Variants in TBX2 observed in about 807,000 individuals in gnomAD.
The protein encoded by TBX2 is T-box transcription factor TBX2.
A neutral mutation model predicts 48.4 loss-of-function variants in TBX2; 19 were observed. That is an observed-to-expected ratio of 0.39 (90% confidence interval 0.27 to 0.58). TBX2 has a LOEUF of 0.58. TBX2 is among the 20% of genes least tolerant of loss of function. The pLI is 0.54. For synonymous variants in TBX2, 522 were observed against 459.7 expected, an observed-to-expected ratio of 1.14 and a Z score of -1.73; for missense variants, 994 against 1,006.5, an observed-to-expected ratio of 0.99 and a Z score of 0.17.
Position 61,406,971 on chromosome 17 carries a change from G to C in TBX2, c.1687-1083G>C, listed in dbSNP as rs2060291569. 6.6e-6 allele frequency: 1 copy of C among 152,054 alleles called. No homozygotes were observed. The highest frequency in any genetic ancestry group is 2.4e-5 in the African/African-American group (1 of 41,374). 9.4% of individuals were successfully genotyped at this position (152,054 alleles called of 1,614,324 possible). On this transcript the variant is annotated intron_variant, in intron 6 of 6. Transcript: ENST00000240328. The surrounding 1 kb of genome is among the most constrained non-coding windows in gnomAD (Gnocchi z 5.7). ...ACTGGTAATAATCACCAGCATCACA[G>C]AGGTCATGAGGAAGTCAGGGCTTCT... is the stretch of plus-strand genomic sequence containing the variant.
rs1256188257 is a variant in TBX2, at chr17:61,408,406, C to T, written c.2039C>T (p.Ser680Leu). The T allele has an allele frequency of 1.9e-6, 3 of 1,549,292 alleles. No individual in the cohort carries two copies. Among genetic ancestry groups the T allele is most frequent in the East Asian group, 4.9e-5 (2 of 40,940 alleles). The change falls in exon 7 of 7, where the codon TCG (serine) becomes TTG (leucine). Residue 680 changes from serine (S) to leucine (L), a missense_variant. Ser to Leu is a moderately radical substitution (Grantham distance 145). This residue lies in a region of TBX2 where 639 missense variants were observed against 613.2 expected (regional missense o/e 1.04). Coordinates refer to ENST00000240328, the MANE Select transcript of TBX2 (RefSeq NM_005994.4). ...PSRGALSPSGSAKEAANELQS... is the reference protein window; with the variant it reads ...PSRGALSPSGLAKEAANELQS... ...CGCGGTGCCCTGTCGCCCAGTGGCT[C>T]GGCCAAGGAGGCGGCCAATGAACTG...
At chr17:61,404,273 T>C (rs115225825) in intron 3 of TBX2, 148 bp from the exon 4 acceptor site, 34,213 of 984,742 alleles carry the variant, frequency 0.035, 771 homozygotes, top group Non-Finnish European at 0.043. Flanking sequence ...CGGCCTCAGC[T>C]CGGGGCGTCC....
rs2060268177 is a variant in TBX2 at position 61,402,533 on chromosome 17, G to A, written c.664-528G>A. ...CCTGAGCAAGGCCCCAGCGAACGGG[G>A]GTGGTGTTTCATAGGGTAAAAGGAA... On this transcript the variant is annotated intron_variant, in intron 2 of 6. Transcript: ENST00000240328. Among the ~76,000 whole-genome samples the A allele has an allele frequency of 2.0e-5, 3 of 151,880 alleles. No individual in the cohort carries two copies. In the South Asian group the frequency reaches 6.3e-4, roughly 32 times the overall value.
rs973646457 is a variant in TBX2, at chr17:61,408,117, G to A, written c.1750G>A (p.Ala584Thr). The change falls in exon 7 of 7, where the codon GCC becomes ACC. Residue 584 changes from alanine (A) to threonine (T), a missense_variant. Physicochemically the swap from Ala to Thr is moderately conservative, Grantham distance 58. Around this residue, in one of 5 missense-constraint regions of TBX2, gnomAD observed 639 missense variants for 613.2 expected, o/e 1.04. Coordinates refer to ENST00000240328, the MANE Select transcript of TBX2 (RefSeq NM_005994.4). ...PYPYTYMAAA[A>T]AAASALPATS... ...CCCCTACACCTACATGGCAGCAGCA[G>A]CCGCAGCCGCCTCGGCTTTGCCCGC... 13 of 1,610,328 alleles carry A rather than the reference G, an allele frequency of 8.1e-6. No individual in the cohort carries two copies. Among genetic ancestry groups the A allele is most frequent in the Non-Finnish European group, 1.1e-5 (13 of 1,178,840 alleles).
At position 61,405,117 on chromosome 17, in the gene TBX2, C is replaced by G. The variant is rs933285389; in HGVS notation, c.1052-85C>G. On this transcript the variant is annotated intron_variant, in intron 5 of 6. Transcript: ENST00000240328. ...AGCAGCTCCTCCGACTCGGCCTCCC[C>G]GAGAGCAGCCCTTCCCGAGTGTCCC... The G allele has an allele frequency of 2.5e-5, 37 of 1,492,266 alleles. No individual in the cohort carries two copies. In the African/African-American group the frequency reaches 2.9e-4, roughly 12 times the overall value. 92.4% of individuals were successfully genotyped at this position (1,492,266 alleles called of 1,614,324 possible). A position where few individuals can be genotyped will look rare whatever the true frequency, so the allele number is the denominator to read the frequency against.
Position 61,401,800 on chromosome 17 carries a change from G to A in TBX2, c.512G>A (p.Arg171His), listed in dbSNP as rs778275904. 2.5e-6 allele frequency: 4 copies of A among 1,613,168 alleles called. No homozygotes were observed. Among genetic ancestry groups the A allele is most frequent in the Non-Finnish European group, 2.5e-6 (3 of 1,180,036 alleles). Residue 171 changes from arginine (R) to histidine (H), a missense_variant, in exon 2 of 7, where the codon CGC (arginine) becomes CAC (histidine). Arg to His is a conservative substitution (Grantham distance 29). Around this residue, in one of 5 missense-constraint regions of TBX2, gnomAD observed 153 missense variants for 166.2 expected, o/e 0.92. Coordinates refer to ENST00000240328, the MANE Select transcript of TBX2 (RefSeq NM_005994.4). ...TGCCGCTATAAGTTCCACAACTCGCGCTGGATGGTGGCGGGCAAGGCCGAC... is the reference window on the plus strand; with the variant it reads ...TGCCGCTATAAGTTCCACAACTCGCACTGGATGGTGGCGGGCAAGGCCGAC... Reference protein sequence around the residue: ...DDCRYKFHNSRWMVAGKADPE... With the variant: ...DDCRYKFHNSHWMVAGKADPE...
In TBX2 at chr17:61,405,473, G is replaced by T; in HGVS notation, c.1323G>T (p.Glu441Asp). The T allele has an allele frequency of 1.3e-6, 2 of 1,578,522 alleles. No individual in the cohort carries two copies. Among genetic ancestry groups the T allele is most frequent in the East Asian group, 2.3e-5 (1 of 43,666 alleles). The change falls in exon 6 of 7, where the codon GAG becomes GAT. Residue 441 changes from glutamate to aspartate, a missense_variant. This residue lies in a region of TBX2 where 639 missense variants were observed against 613.2 expected (regional missense o/e 1.04). Transcript: ENST00000240328. ...RKDEGRKEAAEGKEQGLAPLV... is the reference protein window; with the variant it reads ...RKDEGRKEAADGKEQGLAPLV... ...ACGAGGGGCGCAAGGAGGCGGCCGA[G>T]GGCAAGGAGCAGGGCCTGGCGCCGC...
Position 61,400,486 on chromosome 17 carries a change from G to T in TBX2, c.310G>T (p.Asp104Tyr), listed in dbSNP as rs1329600365. 4 of 1,601,998 alleles carry T rather than the reference G, an allele frequency of 2.5e-6. No individual in the cohort carries two copies. The African/African-American group carries it at 4.0e-5, about 16-fold the overall frequency. Residue 104 changes from aspartate (D) to tyrosine (Y), a missense_variant, in exon 1 of 7, where the codon GAC becomes TAC. By Grantham distance (160) the Asp-to-Tyr change is radical. Transcript: ENST00000240328. The surrounding 1 kb of genome is among the most constrained non-coding windows in gnomAD (Gnocchi z 9.2). ...GGAGCCCGAGGACGAGGTGGAGGAC[G>T]ACCCCAAGGTGACGCTGGAGGCCAA... The part of the protein sequence containing the change: ...SLEPEDEVED[D>Y]PKVTLEAKEL...
rs1180356525 is a variant in TBX2 at position 61,408,093 on chromosome 17, C to CCCTACA, written c.1733_1738dup (p.Thr578_Tyr579dup). On this transcript the variant is annotated inframe_insertion, in exon 7 of 7. Transcript: ENST00000240328. ...CACTTTCGGAGGCCTCTTCCCCTAC[C>CCCTACA]CCTACACCTACATGGCAGCAGCAGC... 1.2e-6 allele frequency: 2 copies of CCCTACA among 1,609,286 alleles called. No individual in the cohort carries two copies. Among genetic ancestry groups the CCCTACA allele is most frequent in the African/African-American group, 1.3e-5 (1 of 74,830 alleles).
In TBX2 at chr17:61,400,332, G is replaced by C. The variant is rs1376139613; in HGVS notation, c.156G>C (p.Leu52=). 1 of 1,013,656 alleles carries C rather than the reference G, an allele frequency of 9.9e-7. No homozygotes were observed. The highest frequency in any genetic ancestry group is 1.7e-5 in the African/African-American group (1 of 57,472). 62.8% of individuals were successfully genotyped at this position (1,013,656 alleles called of 1,614,324 possible). A position where few individuals can be genotyped will look rare whatever the true frequency, so the allele number is the denominator to read the frequency against. Residue 52 remains leucine (L), a synonymous_variant, in exon 1 of 7, where the codon CTG becomes CTC. Transcript: ENST00000240328. The surrounding 1 kb of genome is among the most constrained non-coding windows in gnomAD (Gnocchi z 9.2). The part of the protein sequence containing the change: ...ALPPGALAKP[L]PDPGLAGAAA... ...CGCCCGGCGCGCTGGCCAAGCCGCTGCCCGACCCGGGCCTGGCGGGGGCGG... is the reference window on the plus strand; with the variant it reads ...CGCCCGGCGCGCTGGCCAAGCCGCTCCCCGACCCGGGCCTGGCGGGGGCGG...
rs778763621 is a variant in TBX2, at chr17:61,400,511, A to G, written c.335A>G (p.Lys112Arg). ...GACCCCAAGGTGACGCTGGAGGCCAAGGAGCTGTGGGACCAGTTCCACAAG... is the reference window on the plus strand; with the variant it reads ...GACCCCAAGGTGACGCTGGAGGCCAGGGAGCTGTGGGACCAGTTCCACAAG... ...EDDPKVTLEA[K>R]ELWDQFHKLG... is the part of the protein sequence containing the mutation. The change falls in exon 1 of 7, where the codon AAG (lysine) becomes AGG (arginine). Residue 112 changes from lysine (K) to arginine (R), a missense_variant. By Grantham distance (26) the Lys-to-Arg change is conservative. Transcript: ENST00000240328. This position sits in a 1 kb window ranked among gnomAD's most constrained non-coding sequence, Gnocchi z 9.2. 42 of 1,597,848 alleles carry G rather than the reference A, an allele frequency of 2.6e-5. No homozygotes were observed. The highest frequency in any genetic ancestry group is 1.7e-6 in the Non-Finnish European group (2 of 1,173,184).
At position 61,405,800 on chromosome 17, in the gene TBX2, C is replaced by G; in HGVS notation, c.1650C>G (p.Phe550Leu). ...GCGCAGCAAGCACCGCCGCGCCCTTCCCGTTCCACCTCTCCCAGCACATGC... is the reference window on the plus strand; with the variant it reads ...GCGCAGCAAGCACCGCCGCGCCCTTGCCGTTCCACCTCTCCCAGCACATGC... ...AASAASTAAP[F>L]PFHLSQHMLA... Residue 550 changes from phenylalanine (F) to leucine (L), a missense_variant, in exon 6 of 7, where the codon TTC becomes TTG. Phe to Leu is a conservative substitution (Grantham distance 22). Transcript: ENST00000240328. 7.5e-7 allele frequency: 1 copy of G among 1,329,144 alleles called. No homozygotes were observed. Among genetic ancestry groups the G allele is most frequent in the Non-Finnish European group, 9.6e-7 (1 of 1,046,710 alleles). The allele number at this position is 1,329,144 out of a possible 1,614,324, so 82.3% of individuals were successfully genotyped here.
In TBX2 at chr17:61,405,609, C is replaced by T; in HGVS notation, c.1459C>T (p.Gln487Ter). The change falls in exon 6 of 7, where the codon CAG (glutamine) becomes TAG (stop). Residue 487 changes from glutamine (Q) to a stop codon, truncating the protein, a stop_gained. Transcript: ENST00000240328. LOFTEE classifies it high-confidence loss of function. ...GTTCTTTGGGCCGCTGGGAGCCGGC[C>T]AGCCGCTCTTCCTGCACCCTGGACA... ...QQFFGPLGAG[Q>*]PLFLHPGQFT... 6.3e-7 allele frequency: 1 copy of T among 1,593,166 alleles called. No homozygotes were observed. The highest frequency in any genetic ancestry group is 8.5e-7 in the Non-Finnish European group (1 of 1,174,186).
In TBX2 at chr17:61,409,384, C is replaced by G. The variant is rs2060300578; in HGVS notation, c.*878C>G. 1 of 152,176 alleles carries G rather than the reference C, an allele frequency of 6.6e-6. No individual in the cohort carries two copies. The highest frequency in any genetic ancestry group is 2.1e-4 in the South Asian group (1 of 4,826). 9.4% of individuals were successfully genotyped at this position (152,176 alleles called of 1,614,324 possible). A position where few individuals can be genotyped will look rare whatever the true frequency, so the allele number is the denominator to read the frequency against. On this transcript the variant is annotated 3_prime_UTR_variant, in exon 7 of 7. Transcript: ENST00000240328. ...GTTTGGCTCGCCCGGCCCGCGGGCT[C>G]CACCTCAGGTTTTCACTTTTCGCTC... is the stretch of plus-strand genomic sequence containing the variant.
chr17:61,408,442 A>G lies in TBX2; in HGVS notation c.2075A>G (p.Gln692Arg). Residue 692 changes from glutamine (Q) to arginine (R), a missense_variant, in exon 7 of 7, where the codon CAG becomes CGG. Around this residue, in one of 5 missense-constraint regions of TBX2, gnomAD observed 639 missense variants for 613.2 expected, o/e 1.04. Coordinates refer to ENST00000240328, the MANE Select transcript of TBX2 (RefSeq NM_005994.4). ...GCGGCCAATGAACTGCAGAGCATCC[A>G]GAGACTGGTGAGTGGGCTGGAGAGC... ...KEAANELQSI[Q>R]RLVSGLESQR... is the part of the protein sequence containing the mutation. 4 of 1,507,250 alleles carry G rather than the reference A, an allele frequency of 2.7e-6. No homozygotes were observed. Among genetic ancestry groups the G allele is most frequent in the Non-Finnish European group, 3.6e-6 (4 of 1,125,340 alleles). The allele number at this position is 1,507,250 out of a possible 1,614,324, so 93.4% of individuals were successfully genotyped here.
rs2060299725 is a variant in TBX2, at chr17:61,409,148, A to T, written c.*642A>T. On this transcript the variant is annotated 3_prime_UTR_variant, in exon 7 of 7. Transcript: ENST00000240328. Reference sequence around the variant, plus strand: ...AAGCTTTAAGGTTCCCAGAATATGCAAATTGGTATTAATTTATTCAAAGGT... The same window carrying T: ...AAGCTTTAAGGTTCCCAGAATATGCTAATTGGTATTAATTTATTCAAAGGT... The T allele has an allele frequency of 6.5e-6, 1 of 152,700 alleles. No individual in the cohort carries two copies. Among genetic ancestry groups the T allele is most frequent in the Admixed American group, 6.5e-5 (1 of 15,296 alleles). The allele number at this position is 152,700 out of a possible 1,614,324, so 9.5% of individuals were successfully genotyped here.
In TBX2 at chr17:61,408,125, C is replaced by T. The variant is rs765612715; in HGVS notation, c.1758C>T (p.Ala586=). Residue 586 remains alanine (A), a synonymous_variant, in exon 7 of 7, where the codon GCC becomes GCT. Transcript: ENST00000240328. ...CCTACATGGCAGCAGCAGCCGCAGC[C>T]GCCTCGGCTTTGCCCGCCACTAGTG... ...PYTYMAAAAA[A]ASALPATSAA... is the part of the protein sequence containing the mutation. 2.5e-5 allele frequency: 40 copies of T among 1,610,888 alleles called. No individual in the cohort carries two copies. The African/African-American group carries it at 3.6e-4, about 15-fold the overall frequency.
At position 61,408,889 on chromosome 17, in the gene TBX2, G is replaced by A; in HGVS notation, c.*383G>A. ...CATCGGAGGGAGTCCCAGAGCCCTG[G>A]ACCTTGGGCCTAGACCGCGTGATAA... On this transcript the variant is annotated 3_prime_UTR_variant, in exon 7 of 7. Transcript: ENST00000240328. 5.3e-6 allele frequency: 1 copy of A among 188,010 alleles called. No individual in the cohort carries two copies. The highest frequency in any genetic ancestry group is 1.1e-5 in the Non-Finnish European group (1 of 92,482). The allele number at this position is 188,010 out of a possible 1,614,324, so 11.6% of individuals were successfully genotyped here.
At position 61,406,010 on chromosome 17, in the gene TBX2, G is replaced by A. The variant is rs1020327036; in HGVS notation, c.1686+174G>A. ...TTAGGACACCTGGGTTCTGAGAGAC[G>A]AGGACTGTGTTGTAAGTCCAGGGGC... On this transcript the variant is annotated intron_variant, in intron 6 of 6. Coordinates refer to ENST00000240328, the MANE Select transcript of TBX2 (RefSeq NM_005994.4). This position sits in a 1 kb window ranked among gnomAD's most constrained non-coding sequence, Gnocchi z 5.7. 4 of 612,028 alleles carry A rather than the reference G, an allele frequency of 6.5e-6. No homozygotes were observed. The highest frequency in any genetic ancestry group is 8.8e-5 in the Admixed American group (2 of 22,672). The allele number at this position is 612,028 out of a possible 1,614,324, so 37.9% of individuals were successfully genotyped here.
Sources: allele counts gnomAD v4.1 joint callset (sites outside exome capture counted in the v4.1 genomes callset), GRCh38; gene constraint gnomAD v4.1.1; regional missense constraint gnomAD v4.1.1; non-coding constraint Gnocchi (gnomAD v3.1); transcripts MANE v1.5; gene names NCBI Gene and HGNC (gene_info 2026-07-23, HGNC 2026-07-21).